Variants in TMEM178A observed in about 807,000 individuals in gnomAD.
TMEM178A encodes the protein transmembrane protein 178.
In TMEM178A, 12 loss-of-function variants were observed where a neutral mutation model predicts 29.1. The ratio of observed to expected loss-of-function variants is 0.41; its 90% CI spans 0.26 to 0.67. TMEM178A has a LOEUF of 0.67. Ranked by LOEUF, TMEM178A falls within the 30% of genes least tolerant of loss-of-function variation. The pLI is 0.29. For synonymous variants in TMEM178A, 210 were observed against 187.2 expected, an observed-to-expected ratio of 1.12 and a Z score of -0.99; for missense variants, 366 against 419.1, an observed-to-expected ratio of 0.87 and a Z score of 1.11.
At chr2:39,687,379 C>T (rs1438087880) in intron 1 of TMEM178A, 1 of 166,998 alleles carries the variant, frequency 6.0e-6, no homozygotes, top group Non-Finnish European at 1.5e-5. Flanking sequence ...CTGGAGATGT[C>T]AGTTCCACTT....
chr2:39,733,201 C>T, the TMEM178A span, among the ~76,000 whole-genome samples: 3 of 152,246 alleles, frequency 2.0e-5, no homozygotes, highest in African/African-American at 7.2e-5. Context: ...CGCCCACCTT[C>T]CAGCATCTGC....
chr2:39,696,250 G>C (rs1287590676), intron 1 of TMEM178A, among the ~76,000 whole-genome samples: 1 of 152,142 alleles, frequency 6.6e-6, no homozygotes, highest in Admixed American at 6.5e-5. Flanking sequence ...GGAAACATGA[G>C]AGCTGTTGGT....
intron 3 of TMEM178A, among the ~76,000 whole-genome samples, chr2:39,711,937 T>A (rs372332850): frequency 7.6e-4 from 115 of 152,192 alleles, no homozygotes; most frequent in South Asian, 7.0e-3. Context: ...GATCAATAAG[T>A]ACTAGAATAG....
chr2:39,695,430 G>T (rs1160346096), intron 1 of TMEM178A, among the ~76,000 whole-genome samples: 1 of 149,796 alleles, frequency 6.7e-6, no homozygotes, highest in Non-Finnish European at 1.5e-5. Context: ...GATCTAGTAG[G>T]CAGTGACAAA....
Position 39,717,314 on chromosome 2 carries a change from G to C in TMEM178A, c.*63G>C. ...CTGAGGGGAACAGCGCGGAGTTCAG[G>C]AGTCCAAGCACAAAGCGGTCTTTTA... On this transcript the variant is annotated 3_prime_UTR_variant, in exon 4 of 4. Coordinates refer to ENST00000281961, the MANE Select transcript of TMEM178A (RefSeq NM_152390.3). The C allele has an allele frequency of 6.4e-7, 1 of 1,554,984 alleles. No individual in the cohort carries two copies. The highest frequency in any genetic ancestry group is 8.7e-7 in the Non-Finnish European group (1 of 1,150,058).
intron 2 of TMEM178A, among the ~76,000 whole-genome samples, chr2:39,705,831 G>A (rs1030181971): frequency 2.0e-5 from 3 of 152,192 alleles, no homozygotes; most frequent in Non-Finnish European, 4.4e-5. Flanking sequence ...TCTGCACCTT[G>A]TCTTGGCCCC....
At chr2:39,724,312 G>A in the TMEM178A span, among the ~76,000 whole-genome samples, 8 of 151,546 alleles carry the variant, frequency 5.3e-5, no homozygotes, top group African/African-American at 1.7e-4. Flanking sequence ...CTAGCCTTAC[G>A]GTTAGAGGTA....
chr2:39,732,612 A>C, the TMEM178A span, among the ~76,000 whole-genome samples: 1 of 152,202 alleles, frequency 6.6e-6, no homozygotes, highest in African/African-American at 2.4e-5. Context: ...AAGGAGAATA[A>C]TTAACTTGCA....
chr2:39,708,409 ATTTTTTTTTTTTTTT>A (rs956611778), intron 3 of TMEM178A, among the ~76,000 whole-genome samples: 1 of 69,678 alleles, frequency 1.4e-5, no homozygotes, highest in East Asian at 5.5e-4. Flanking sequence ...GAGTGACTTG[ATTTTTTTTTTTTTTT>A]TTTTTTTTTT....
the TMEM178A span, among the ~76,000 whole-genome samples, chr2:39,725,984 G>A: frequency 1.3e-5 from 2 of 152,206 alleles, no homozygotes; most frequent in Non-Finnish European, 2.9e-5. Context: ...CACCTAGTAT[G>A]TGCCAGAGAC....
chr2:39,731,778 G>A, the TMEM178A span, among the ~76,000 whole-genome samples: 4 of 152,166 alleles, frequency 2.6e-5, no homozygotes. Flanking sequence ...CAGTGGCAGT[G>A]GCCACATCTT....
chr2:39,674,080 A>G (rs571745059), intron 1 of TMEM178A, among the ~76,000 whole-genome samples: 1 of 152,314 alleles, frequency 6.6e-6, no homozygotes, highest in South Asian at 2.1e-4. Flanking sequence ...TGGTATTCAG[A>G]CAATGGAAGT....
At chr2:39,671,687 C>G (rs1234718473) in intron 1 of TMEM178A, among the ~76,000 whole-genome samples, 1 of 152,098 alleles carries the variant, frequency 6.6e-6, no homozygotes, top group East Asian at 1.9e-4. Context: ...CAGACAAAAG[C>G]AAATTTCGAA....
chr2:39,691,379 G>T (rs1671311682), intron 1 of TMEM178A, among the ~76,000 whole-genome samples: 1 of 152,190 alleles, frequency 6.6e-6, no homozygotes, highest in Admixed American at 6.5e-5. Context: ...GGCCAGGAAA[G>T]CATGGGGCAA....
chr2:39,698,123 A>T (rs996658160), intron 1 of TMEM178A: 1 of 152,238 alleles, frequency 6.6e-6, no homozygotes, highest in South Asian at 2.1e-4. Context: ...TTGACAGTAC[A>T]TGTAGCAACT....
upstream of TMEM178A, chr2:39,665,750 A>C: frequency 6.5e-6 from 2 of 309,126 alleles, no homozygotes. Context: ...GGGGAGGGCT[A>C]GGAGCCCGGG....
At chr2:39,667,179 C>T (rs1187432394) in intron 1 of TMEM178A, among the ~76,000 whole-genome samples, 1 of 152,198 alleles carries the variant, frequency 6.6e-6, no homozygotes, top group East Asian at 1.9e-4. Flanking sequence ...CAGATTTGGG[C>T]ACTCACTCTC....
At chr2:39,733,725 A>G in the TMEM178A span, among the ~76,000 whole-genome samples, 1 of 152,332 alleles carries the variant, frequency 6.6e-6, no homozygotes, top group East Asian at 1.9e-4. Context: ...CCCCAACCAG[A>G]ATTTATGTTT....
intron 3 of TMEM178A, among the ~76,000 whole-genome samples, chr2:39,714,029 C>G (rs571075910): frequency 6.6e-6 from 1 of 152,312 alleles, no homozygotes; most frequent in East Asian, 1.9e-4. Flanking sequence ...GCCCATCTCA[C>G]AAATCATTGT....
Sources: allele counts gnomAD v4.1 joint callset (sites outside exome capture counted in the v4.1 genomes callset), GRCh38; gene constraint gnomAD v4.1.1; transcripts MANE v1.5; gene names NCBI Gene and HGNC (gene_info 2026-07-23, HGNC 2026-07-21).